The following PCDH15 variants were observed in gnomAD, a reference collection of about 807,000 sequenced individuals.
PCDH15 encodes protocadherin related 15, also known as protocadherin-15.
PCDH15 carries 129 observed loss-of-function variants against 178.5 expected under a neutral mutation model. The observed-to-expected ratio is 0.72, with a 90% CI of 0.63 to 0.84. PCDH15 has a LOEUF of 0.84. Ranked by LOEUF, PCDH15 falls within the 40% of genes least tolerant of loss-of-function variation. PCDH15 has a pLI of 0.00. For missense variants in PCDH15, 2,230 were observed against 2,099.9 expected, an observed-to-expected ratio of 1.06 and a Z score of -1.21; for synonymous variants, 800 against 732.0, an observed-to-expected ratio of 1.09 and a Z score of -1.50.
At chr10:54,349,793 A>G (rs892405037) in intron 5 of PCDH15, among the ~76,000 whole-genome samples, 13 of 152,224 alleles carry the variant, frequency 8.5e-5, no homozygotes, top group Non-Finnish European at 8.8e-5. Flanking sequence ...CACAGGAAAA[A>G]AATTGAATAT....
chr10:54,415,424 G>T (rs867020978), intron 3 of PCDH15, among the ~76,000 whole-genome samples: 6 of 151,896 alleles, frequency 4.0e-5, no homozygotes, highest in Non-Finnish European at 8.8e-5. Flanking sequence ...TAAAAAGAGA[G>T]AAGTACTAAA....
intron 8 of PCDH15, among the ~76,000 whole-genome samples, chr10:54,290,588 G>A (rs1475200158): frequency 6.6e-6 from 1 of 152,116 alleles, no homozygotes; most frequent in Non-Finnish European, 1.5e-5. Context: ...CTAATTAAAA[G>A]ATACAGACTG....
At chr10:53,813,127 A>G (rs1564517502) in intron 35 of PCDH15, among the ~76,000 whole-genome samples, 1 of 152,164 alleles carries the variant, frequency 6.6e-6, no homozygotes, top group East Asian at 1.9e-4. Flanking sequence ...ATATTTTTAC[A>G]TTCCAATAAT....
intron 2 of PCDH15, among the ~76,000 whole-genome samples, chr10:55,387,693 C>T (rs1203153438): frequency 6.6e-6 from 1 of 152,030 alleles, no homozygotes; most frequent in African/African-American, 2.4e-5. Flanking sequence ...AATTTCCAAA[C>T]AGGAAAAATA....
intron 3 of PCDH15, among the ~76,000 whole-genome samples, chr10:54,468,228 A>C (rs955458537): frequency 5.8e-4 from 88 of 151,566 alleles, no homozygotes; most frequent in African/African-American, 1.9e-3. Context: ...TTGCTTTTAA[A>C]ATTTATTGAG....
At chr10:54,436,397 A>C (rs2075420557) in intron 3 of PCDH15, among the ~76,000 whole-genome samples, 1 of 152,146 alleles carries the variant, frequency 6.6e-6, no homozygotes, top group Admixed American at 6.5e-5. Flanking sequence ...CTCATCAGAT[A>C]AAATATGTTA....
intron 8 of PCDH15, among the ~76,000 whole-genome samples, chr10:54,251,825 A>G (rs1418752911): frequency 6.6e-6 from 1 of 151,696 alleles, no homozygotes; most frequent in Admixed American, 6.6e-5. Flanking sequence ...TAATTATTTC[A>G]TTTTTCTTCT....
chr10:55,233,440 A>T (rs1841284436), intron 1 of PCDH15, among the ~76,000 whole-genome samples: 1 of 152,178 alleles, frequency 6.6e-6, no homozygotes, highest in South Asian at 2.1e-4. Flanking sequence ...CATAAAGCAC[A>T]TGAAGAATAA....
chr10:54,472,265 G>T (rs921586171), intron 3 of PCDH15, among the ~76,000 whole-genome samples: 1 of 149,664 alleles, frequency 6.7e-6, no homozygotes, highest in Non-Finnish European at 1.5e-5. Context: ...AATGGTATTT[G>T]GTTGCTGTTC....
intron 5 of PCDH15, among the ~76,000 whole-genome samples, chr10:54,359,676 A>G (rs1945682805): frequency 6.6e-6 from 1 of 152,058 alleles, no homozygotes; most frequent in South Asian, 2.1e-4. Context: ...ATATACTTAT[A>G]GAATGAAACA....
At chr10:54,719,480 T>A (rs1053854566) in intron 1 of PCDH15, among the ~76,000 whole-genome samples, 16 of 152,126 alleles carry the variant, frequency 1.1e-4, no homozygotes, top group Admixed American at 2.0e-4. Context: ...ATTGTCTTTT[T>A]TGTGCAAATG....
At chr10:54,189,892 T>C (rs1310402990) in intron 11 of PCDH15, among the ~76,000 whole-genome samples, 1 of 150,488 alleles carries the variant, frequency 6.6e-6, no homozygotes, top group Non-Finnish European at 1.5e-5. Context: ...ATGTATAAAC[T>C]GATATGGTTC....
chr10:54,303,293 C>T, intron 8 of PCDH15, among the ~76,000 whole-genome samples: 1 of 151,888 alleles, frequency 6.6e-6, no homozygotes, highest in East Asian at 1.9e-4. Context: ...TACAATTCTA[C>T]AGACCAAAAA....
intron 2 of PCDH15, among the ~76,000 whole-genome samples, chr10:55,399,566 A>C (rs1838015743): frequency 6.6e-6 from 1 of 151,602 alleles, no homozygotes; most frequent in Non-Finnish European, 1.5e-5. Context: ...AGGTGTGAGA[A>C]TCAGAGCAGC....
chr10:54,189,816 C>G (rs529240168), intron 11 of PCDH15, among the ~76,000 whole-genome samples: 8 of 151,888 alleles, frequency 5.3e-5, no homozygotes, highest in African/African-American at 1.9e-4. Flanking sequence ...TTGTGCCTTA[C>G]CTATTCTACT....
At chr10:54,698,119 A>C (rs2095260518) in intron 1 of PCDH15, among the ~76,000 whole-genome samples, 1 of 152,094 alleles carries the variant, frequency 6.6e-6, no homozygotes, top group African/African-American at 2.4e-5. Context: ...CCACCTACAG[A>C]AAGGGAAAAT....
chr10:53,927,309 A>G (rs2084651285), intron 25 of PCDH15, among the ~76,000 whole-genome samples: 1 of 152,126 alleles, frequency 6.6e-6, no homozygotes, highest in African/African-American at 2.4e-5. Context: ...GTCATTCTTT[A>G]CCACTTTTAC....
chr10:54,457,678 T>C (rs1351658523), intron 3 of PCDH15, among the ~76,000 whole-genome samples: 1 of 151,546 alleles, frequency 6.6e-6, no homozygotes, highest in African/African-American at 2.4e-5. Flanking sequence ...CATCTAAAAT[T>C]GCTAAACAAT....
At chr10:54,307,863 C>T (rs1415059806) in intron 8 of PCDH15, among the ~76,000 whole-genome samples, 1 of 151,936 alleles carries the variant, frequency 6.6e-6, no homozygotes, top group Non-Finnish European at 1.5e-5. Flanking sequence ...CTACTTCTTC[C>T]CATGTGTCTC....
Sources: gnomAD v4.1 joint callset for allele counts (sites outside exome capture counted in the v4.1 genomes callset) on GRCh38, gnomAD v4.1.1 for gene constraint, MANE v1.5 for transcripts, NCBI Gene and HGNC (gene_info 2026-07-23, HGNC 2026-07-21) for gene names.